ETV6: variants seen among roughly 807,000 people sequenced by gnomAD.
The protein encoded by ETV6 is transcription factor ETV6.
ETV6 carries 16 observed loss-of-function variants against 51.1 expected under a neutral mutation model. That is an observed-to-expected ratio of 0.31 (90% CI 0.21 to 0.48). The LOEUF is 0.48. Ranked by LOEUF, ETV6 falls within the 20% of genes least tolerant of loss-of-function variation. ETV6 has a pLI of 0.99. For missense variants in ETV6, 458 were observed against 594.8 expected, an observed-to-expected ratio of 0.77 and a Z score of 2.39; for synonymous variants, 240 against 224.1, an observed-to-expected ratio of 1.07 and a Z score of -0.64.
Position 11,649,916 on chromosome 12 carries a change from T to A in ETV6, c.-212T>A. 1 of 211,000 alleles carries A rather than the reference T, an allele frequency of 4.7e-6. No individual in the cohort carries two copies. The highest frequency in any genetic ancestry group is 9.2e-6 in the Non-Finnish European group (1 of 108,380). 13.1% of individuals were successfully genotyped at this position (211,000 alleles called of 1,614,324 possible). On this transcript the variant is annotated 5_prime_UTR_variant, in exon 1 of 8. Coordinates refer to ENST00000396373, the MANE Select transcript of ETV6 (RefSeq NM_001987.5). ...CCCCGCCGCCGCGCTCGGGCCCGTC[T>A]CCCACGCCCCCGCCGCCCCGCGCGC...
intron 2 of ETV6, chr12:11,825,549 C>T (rs1266502004): frequency 2.0e-5 from 3 of 152,172 alleles, no homozygotes; most frequent in Non-Finnish European, 4.4e-5. Context: ...ATAAGGACAC[C>T]TGTCATTGAA....
At chr12:11,722,131 A>G (rs1388464483) in intron 1 of ETV6, among the ~76,000 whole-genome samples, 1 of 152,224 alleles carries the variant, frequency 6.6e-6, no homozygotes, top group Non-Finnish European at 1.5e-5. Context: ...GAGAGCATGG[A>G]AAATTGAAGC....
At chr12:11,679,949 T>C (rs1864495926) in intron 1 of ETV6, among the ~76,000 whole-genome samples, 1 of 152,268 alleles carries the variant, frequency 6.6e-6, no homozygotes, top group African/African-American at 2.4e-5. Flanking sequence ...TTTGGCATCA[T>C]GGTCTAGTGA....
chr12:11,771,526 C>T (rs1190245583), intron 2 of ETV6, among the ~76,000 whole-genome samples: 1 of 152,156 alleles, frequency 6.6e-6, no homozygotes, highest in Non-Finnish European at 1.5e-5. Context: ...GGACTGGTGG[C>T]AGGTTTGTAT....
chr12:11,793,358 G>GT (rs1945632404), intron 2 of ETV6, among the ~76,000 whole-genome samples: 1 of 152,248 alleles, frequency 6.6e-6, no homozygotes, highest in Non-Finnish European at 1.5e-5. Flanking sequence ...ATTTAACCAT[G>GT]TTGCTGTATT....
intron 1 of ETV6, among the ~76,000 whole-genome samples, chr12:11,720,141 T>C (rs905362986): frequency 6.6e-6 from 1 of 152,096 alleles, no homozygotes. Flanking sequence ...AGAGTTGATA[T>C]CTGAAGATAG....
At chr12:11,765,473 A>G (rs55716432) in intron 2 of ETV6, among the ~76,000 whole-genome samples, 1 of 149,020 alleles carries the variant, frequency 6.7e-6, no homozygotes, top group East Asian at 2.0e-4. Flanking sequence ...TTTTTTTTTT[A>G]ATGAAGTGAT....
intron 2 of ETV6, among the ~76,000 whole-genome samples, chr12:11,795,847 G>T (rs1244854568): frequency 6.6e-6 from 1 of 152,164 alleles, no homozygotes; most frequent in Non-Finnish European, 1.5e-5. Flanking sequence ...CACTTCATAG[G>T]GTGGTTCGAA....
chr12:11,699,184 A>AG (rs1002967674), intron 1 of ETV6, among the ~76,000 whole-genome samples: 4 of 152,210 alleles, frequency 2.6e-5, no homozygotes, highest in Admixed American at 2.0e-4. Context: ...TGCTTGAGCC[A>AG]GGCTTTCTCA....
intron 2 of ETV6, among the ~76,000 whole-genome samples, chr12:11,765,417 C>T (rs1032015114): frequency 3.9e-5 from 6 of 151,998 alleles, no homozygotes; most frequent in African/African-American, 1.4e-4. Context: ...ATACCATTCT[C>T]TCTTTTTGTG....
intron 3 of ETV6, among the ~76,000 whole-genome samples, chr12:11,846,626 A>G (rs1244438292): frequency 1.3e-5 from 2 of 152,182 alleles, no homozygotes; most frequent in African/African-American, 4.8e-5. Flanking sequence ...AGATGCCCTT[A>G]ACAATTCTAT....
intron 2 of ETV6, among the ~76,000 whole-genome samples, chr12:11,768,661 A>G (rs1036673157): frequency 6.6e-6 from 1 of 152,226 alleles, no homozygotes; most frequent in African/African-American, 2.4e-5. Flanking sequence ...AATGGCAAAA[A>G]AGCCTGCAAC....
chr12:11,783,941 G>A (rs1034231634), intron 2 of ETV6, among the ~76,000 whole-genome samples: 23 of 152,262 alleles, frequency 1.5e-4, no homozygotes, highest in African/African-American at 5.5e-4. Flanking sequence ...GAGCCAAGCT[G>A]GGGTCCCCCC....
rs1591757789 is a variant in ETV6 at position 11,893,809 on chromosome 12, T to A, written c.*2763T>A. On this transcript the variant is annotated 3_prime_UTR_variant, in exon 8 of 8. Coordinates refer to ENST00000396373, the MANE Select transcript of ETV6 (RefSeq NM_001987.5). ...ATCTCTCATTTTATATATATATATA[T>A]ATATATATATATATATATATATATA... 2.0e-5 allele frequency: 1 copy of A among 49,658 alleles called. No homozygotes were observed. The allele number at this position is 49,658 out of a possible 1,614,324, so 3.1% of individuals were successfully genotyped here.
At chr12:11,821,228 T>G (rs1458690528) in intron 2 of ETV6, among the ~76,000 whole-genome samples, 3 of 151,074 alleles carry the variant, frequency 2.0e-5, no homozygotes, top group Non-Finnish European at 4.4e-5. Context: ...TAGCTGGGTG[T>G]GGTGGTGGGC....
At chr12:11,778,475 T>G (rs1945366448) in intron 2 of ETV6, among the ~76,000 whole-genome samples, 1 of 152,210 alleles carries the variant, frequency 6.6e-6, no homozygotes. Context: ...CTGAGATTCC[T>G]GGGGCTGGGT....
chr12:11,853,317 G>A (rs946767426), intron 3 of ETV6, 110 bp from the exon 4 acceptor site: 32 of 1,288,262 alleles, frequency 2.5e-5, no homozygotes, highest in South Asian at 5.2e-5. Flanking sequence ...TGGCAGGTGC[G>A]CTCCAATTGT....
At chr12:11,690,308 A>C (rs1864729574) in intron 1 of ETV6, among the ~76,000 whole-genome samples, 1 of 151,964 alleles carries the variant, frequency 6.6e-6, no homozygotes, top group South Asian at 2.1e-4. Flanking sequence ...TCTGCTTTGT[A>C]TCGATTCCGG....
At chr12:11,777,562 A>C (rs1945348786) in intron 2 of ETV6, among the ~76,000 whole-genome samples, 1 of 152,048 alleles carries the variant, frequency 6.6e-6, no homozygotes, top group Non-Finnish European at 1.5e-5. Context: ...TCAAAATGCA[A>C]ATCTGGGCGT....
Sources: allele counts gnomAD v4.1 joint callset (sites outside exome capture counted in the v4.1 genomes callset), GRCh38; gene constraint gnomAD v4.1.1; transcripts MANE v1.5; gene names NCBI Gene and HGNC (gene_info 2026-07-23, HGNC 2026-07-21).